VRK1: variants seen among roughly 807,000 people sequenced by gnomAD.
The protein encoded by VRK1 is serine/threonine-protein kinase VRK1.
A neutral mutation model predicts 57.1 loss-of-function variants in VRK1; 33 were observed. That is an observed-to-expected ratio of 0.58 (90% CI 0.44 to 0.77). VRK1 has a LOEUF of 0.77. Among genes scored for constraint, VRK1 ranks in the 30% least tolerant of loss-of-function variants. The probability of loss-of-function intolerance (pLI) is 0.00; values close to 1 mark genes in which losing one functional copy is unlikely to be tolerated. For synonymous variants in VRK1, 137 were observed against 147.8 expected (o/e 0.93, Z 0.53); for missense variants, 413 against 477.3 (o/e 0.87, Z 1.25).
At chr14:96,809,569 T>G (rs28664086) in intron 1 of VRK1, among the ~76,000 whole-genome samples, 3,702 of 77,626 alleles carry the variant, frequency 0.048, 77 homozygotes, top group African/African-American at 0.097. Context: ...TTGCTTGCTT[T>G]CTTTTTTTTT....
intron 11 of VRK1, among the ~76,000 whole-genome samples, chr14:96,874,258 A>G (rs1888939675): frequency 6.6e-6 from 1 of 152,202 alleles, no homozygotes; most frequent in Non-Finnish European, 1.5e-5. Context: ...ATCTGCTGAC[A>G]TGCTAACCTT....
At chr14:96,870,458 A>G in intron 11 of VRK1, among the ~76,000 whole-genome samples, 1 of 152,202 alleles carries the variant, frequency 6.6e-6, no homozygotes, top group East Asian at 1.9e-4. Context: ...GGAAAACATG[A>G]GTGAAGAGAT....
At chr14:96,825,749 G>A (rs1886776226) in intron 1 of VRK1, among the ~76,000 whole-genome samples, 1 of 152,206 alleles carries the variant, frequency 6.6e-6, no homozygotes, top group African/African-American at 2.4e-5. Flanking sequence ...CATGTTAATA[G>A]AATGGTGGAG....
At chr14:96,827,810 A>T (rs1886858031) in intron 1 of VRK1, among the ~76,000 whole-genome samples, 1 of 152,158 alleles carries the variant, frequency 6.6e-6, no homozygotes, top group Non-Finnish European at 1.5e-5. Flanking sequence ...CTGTTATCAC[A>T]CACTTGTGAT....
In VRK1 at chr14:96,846,175, C is replaced by T. The variant is rs775497938; in HGVS notation, c.286+11C>T. 20 of 1,612,446 alleles carry T rather than the reference C, an allele frequency of 1.2e-5. No individual in the cohort carries two copies. In the Admixed American group the frequency reaches 1.5e-4, roughly 12 times the overall value. ...CAAAACCAGAGCAAAGTAAGAAATA[C>T]AGTACACATACGTTTACACTTTTAA... On this transcript the variant is annotated intron_variant, in intron 4 of 12. Transcript: ENST00000216639.
intron 11 of VRK1, among the ~76,000 whole-genome samples, chr14:96,866,657 C>T (rs10129400): frequency 1.3e-5 from 2 of 152,166 alleles, no homozygotes; most frequent in Admixed American, 6.5e-5. Context: ...CTCTTTTCAA[C>T]GGGCTTAAGT....
chr14:96,799,175 T>C (rs1885557823), intron 1 of VRK1, among the ~76,000 whole-genome samples: 1 of 152,228 alleles, frequency 6.6e-6, no homozygotes, highest in Non-Finnish European at 1.5e-5. Flanking sequence ...GCCTGGCATA[T>C]AGTAAGTTAG....
chr14:96,843,241 G>T (rs1026594528), intron 3 of VRK1, among the ~76,000 whole-genome samples: 4 of 152,184 alleles, frequency 2.6e-5, no homozygotes, highest in Non-Finnish European at 5.9e-5. Flanking sequence ...CTTGCTGACA[G>T]ACTTAATATG....
At chr14:96,856,003 G>T in intron 8 of VRK1, 127 bp from the exon 9 acceptor site, 1 of 1,172,350 alleles carries the variant, frequency 8.5e-7, no homozygotes, top group Non-Finnish European at 1.2e-6. Flanking sequence ...GTGAAATGCA[G>T]TCAAAATTTT....
intron 3 of VRK1, among the ~76,000 whole-genome samples, chr14:96,844,619 G>T (rs1256726909): frequency 6.6e-6 from 1 of 152,162 alleles, no homozygotes; most frequent in African/African-American, 2.4e-5. Flanking sequence ...TTAGCTTACT[G>T]CAGCCTCCGC....
At chr14:96,828,160 GTT>G (rs201895152) in intron 1 of VRK1, among the ~76,000 whole-genome samples, 2 of 152,152 alleles carry the variant, frequency 1.3e-5, no homozygotes, top group African/African-American at 4.8e-5. Context: ...TTTTCCTGTT[GTT>G]GGACATACAG....
intron 5 of VRK1, 87 bp downstream of exon 5, chr14:96,847,431 C>G: frequency 9.5e-7 from 1 of 1,048,594 alleles, no homozygotes; most frequent in South Asian, 1.3e-5. Flanking sequence ...TTACTGATCA[C>G]TTACAATATT....
rs11407124 is a variant in VRK1 at position 96,811,773 on chromosome 14, C to CTT, written c.-6+14336_-6+14337dup. Among the ~76,000 whole-genome samples the CTT allele has an allele frequency of 3.8e-3, 569 of 148,378 alleles. 4 individuals are homozygous for CTT. Among genetic ancestry groups the CTT allele is most frequent in the African/African-American group, 0.011 (449 of 40,600 alleles). ...CTATCACATTTTCCCTCTCATTAAC[C>CTT]TTTTTTTTTTTAAAGCAAACAGCTT... On this transcript the variant is annotated intron_variant, in intron 1 of 12. Transcript: ENST00000216639.
intron 5 of VRK1, among the ~76,000 whole-genome samples, chr14:96,849,198 G>GTTTATTAA (rs1179839921): frequency 6.6e-6 from 1 of 152,098 alleles, no homozygotes; most frequent in Non-Finnish European, 1.5e-5. Flanking sequence ...TTGGGAAATG[G>GTTTATTAA]CTTACATGGT....
chr14:96,833,777 T>G, intron 2 of VRK1, 146 bp downstream of exon 2: 2 of 1,176,836 alleles, frequency 1.7e-6, no homozygotes, highest in Non-Finnish European at 2.4e-6. Flanking sequence ...AATGCATCTC[T>G]GACGTAGGAG....
Position 96,860,643 on chromosome 14 carries a change from C to A in VRK1, c.976C>A (p.Gln326Lys). ...TGAAAATTTACGTGACATTCTTTTG[C>A]AAGGACTAAAAGCTATAGGAAGTAA... Reference protein sequence around the residue: ...LYENLRDILLQGLKAIGSKDD... With the variant: ...LYENLRDILLKGLKAIGSKDD... The change falls in exon 11 of 13, where the codon CAA (glutamine) becomes AAA (lysine). Residue 326 changes from glutamine to lysine, a missense_variant. By Grantham distance (53) the Gln-to-Lys change is moderately conservative. This residue lies in a region of VRK1 where 146 missense variants were observed against 138.2 expected (regional missense o/e 1.06). Transcript: ENST00000216639. The A allele has an allele frequency of 1.2e-6, 2 of 1,613,260 alleles. No individual in the cohort carries two copies. Among genetic ancestry groups the A allele is most frequent in the Non-Finnish European group, 8.5e-7 (1 of 1,179,478 alleles).
At chr14:96,806,808 T>A (rs1355767047) in intron 1 of VRK1, among the ~76,000 whole-genome samples, 1 of 152,020 alleles carries the variant, frequency 6.6e-6, no homozygotes, top group African/African-American at 2.4e-5. Flanking sequence ...TCACTTCCCA[T>A]CATTCCCCTC....
At chr14:96,818,034 G>A (rs866181080) in intron 1 of VRK1, among the ~76,000 whole-genome samples, 18 of 148,944 alleles carry the variant, frequency 1.2e-4, no homozygotes, top group Non-Finnish European at 1.3e-4. Flanking sequence ...CATCACTTTC[G>A]TTTCTGGGAG....
At chr14:96,826,276 G>T (rs192495241) in intron 1 of VRK1, among the ~76,000 whole-genome samples, 2,842 of 152,232 alleles carry the variant, frequency 0.019, 41 homozygotes, top group Non-Finnish European at 0.031. Context: ...TATAAAAGTT[G>T]ATCTGCCACT....
Sources: gnomAD v4.1 joint callset for allele counts (sites outside exome capture counted in the v4.1 genomes callset) on GRCh38, gnomAD v4.1.1 for gene constraint, gnomAD v4.1.1 regional missense constraint, MANE v1.5 for transcripts, NCBI Gene and HGNC (gene_info 2026-07-23, HGNC 2026-07-21) for gene names.